Variants in PARVG observed in about 807,000 individuals in gnomAD.
PARVG encodes parvin gamma, also known as gamma-parvin.
In PARVG, 36 loss-of-function variants were observed where a neutral mutation model predicts 44.4. The ratio of observed to expected loss-of-function variants is 0.81; its 90% CI spans 0.62 to 1.07. The LOEUF (loss-of-function observed/expected upper bound fraction) is 1.07. Among genes scored for constraint, PARVG ranks in the 50% least tolerant of loss-of-function variants. The pLI, the probability that PARVG is intolerant of heterozygous loss-of-function variation, is 0.00. For synonymous variants in PARVG, 170 were observed against 174.1 expected (o/e 0.98, Z 0.19); for missense variants, 407 against 407.4 (o/e 1.00, Z 0.01).
Position 44,181,779 on chromosome 22 carries a change from G to A in PARVG, c.-151G>A. The A allele has an allele frequency of 1.0e-6, 1 of 985,454 alleles. No individual in the cohort carries two copies. Among genetic ancestry groups the A allele is most frequent in the Non-Finnish European group, 1.2e-6 (1 of 829,936 alleles). 61.0% of individuals were successfully genotyped at this position (985,454 alleles called of 1,614,324 possible). On this transcript the variant is annotated 5_prime_UTR_variant, in exon 2 of 14. Transcript: ENST00000444313. The stretch of plus-strand genomic sequence containing the variant: ...TCCTGCCGGCTGAGCGGGCCTGGAG[G>A]AAGTGAGCAGCGGGGCTCCTGCCTC...
intron 8 of PARVG, among the ~76,000 whole-genome samples, chr22:44,192,330 C>T (rs568550181): frequency 6.6e-6 from 1 of 152,264 alleles, no homozygotes; most frequent in East Asian, 1.9e-4. Context: ...TCCCAGCCAC[C>T]CTGCTTTGTT....
chr22:44,204,210 AC>A (rs1569189473), intron 12 of PARVG, among the ~76,000 whole-genome samples: 3 of 152,152 alleles, frequency 2.0e-5, no homozygotes, highest in African/African-American at 7.2e-5. Flanking sequence ...CCCTGCCCAT[AC>A]ACTCCTTTCC....
chr22:44,202,782 C>T (rs151237310), intron 12 of PARVG, among the ~76,000 whole-genome samples: 24 of 152,276 alleles, frequency 1.6e-4, no homozygotes, highest in African/African-American at 5.8e-4. Context: ...ATTATCAGAC[C>T]CTCTTTGCTG....
chr22:44,181,736 C>T lies in PARVG; in HGVS notation c.-188-6C>T. The T allele has an allele frequency of 1.0e-6, 1 of 985,418 alleles. No individual in the cohort carries two copies. Among genetic ancestry groups the T allele is most frequent in the Non-Finnish European group, 1.2e-6 (1 of 829,954 alleles). 61.0% of individuals were successfully genotyped at this position (985,418 alleles called of 1,614,324 possible). On this transcript the variant is annotated splice_polypyrimidine_tract_variant and splice_region_variant and intron_variant, in intron 1 of 13. Transcript: ENST00000444313. ...CGGCATCCACCCCCCTCGGGCCCTG[C>T]CGCAGAGAGGAGGAAGCTCCTGCCG...
intron 12 of PARVG, among the ~76,000 whole-genome samples, chr22:44,200,667 G>C (rs1016778850): frequency 5.3e-5 from 8 of 152,188 alleles, no homozygotes; most frequent in African/African-American, 1.7e-4. Flanking sequence ...TTTCTAAAGA[G>C]GTGAAGCAGG....
intron 3 of PARVG, 31 bp from the exon 4 acceptor site, chr22:44,185,777 C>T (rs1183003563): frequency 1.3e-6 from 2 of 1,596,732 alleles, no homozygotes; most frequent in Admixed American, 1.7e-5. Context: ...ACAGGGTCCC[C>T]ATGCGCTTGT....
intron 3 of PARVG, chr22:44,185,551 CATAGG>C (rs1380532942): frequency 5.2e-6 from 2 of 384,748 alleles, no homozygotes; most frequent in African/African-American, 4.1e-5. Context: ...ATATATCAAA[CATAGG>C]ATACCCAGTT....
intron 11 of PARVG, among the ~76,000 whole-genome samples, chr22:44,197,825 T>C: frequency 6.6e-6 from 1 of 152,116 alleles, no homozygotes; most frequent in Non-Finnish European, 1.5e-5. Context: ...AAGTGAGAGA[T>C]TTGTAGTTTT....
At chr22:44,177,493 C>T (rs962261327), upstream of PARVG, among the ~76,000 whole-genome samples, 2 of 152,182 alleles carry the variant, frequency 1.3e-5, no homozygotes, top group Non-Finnish European at 1.5e-5. Context: ...ATCTCTCCAG[C>T]CTCCTGTAGT....
In PARVG at chr22:44,190,564, G is replaced by C; in HGVS notation, c.402G>C (p.Lys134Asn). The change falls in exon 7 of 14, where the codon AAG (lysine) becomes AAC (asparagine). Residue 134 changes from lysine to asparagine, a missense_variant. By Grantham distance (94) the Lys-to-Asn change is moderately conservative. Transcript: ENST00000444313. ...CTCTCTTCCCAGGCATCTTCAACAAGGACCTGTTGTCTACCCTGCACCTCC... is the reference window on the plus strand; with the variant it reads ...CTCTCTTCCCAGGCATCTTCAACAACGACCTGTTGTCTACCCTGCACCTCC... ...AKWSVESIFN[K>N]DLLSTLHLLV... 1 of 1,614,102 alleles carries C rather than the reference G, an allele frequency of 6.2e-7. No homozygotes were observed. Among genetic ancestry groups the C allele is most frequent in the Non-Finnish European group, 8.5e-7 (1 of 1,179,942 alleles).
intron 8 of PARVG, 85 bp from the exon 9 acceptor site, chr22:44,193,716 C>T: frequency 6.4e-7 from 1 of 1,561,766 alleles, no homozygotes. Context: ...CTTGCCAGCA[C>T]TGAGGCTTGT....
chr22:44,204,694 G>A (rs2054755472), intron 12 of PARVG, among the ~76,000 whole-genome samples: 2 of 152,262 alleles, frequency 1.3e-5, no homozygotes, highest in Non-Finnish European at 2.9e-5. Context: ...GGTGTGGCCA[G>A]GCAGATAGGG....
At chr22:44,199,490 G>A (rs1461164276) in intron 12 of PARVG, among the ~76,000 whole-genome samples, 2 of 152,204 alleles carry the variant, frequency 1.3e-5, no homozygotes, top group Non-Finnish European at 2.9e-5. Context: ...CCTGTTTAGT[G>A]CCAGGCCCTG....
chr22:44,172,965 G>C (rs1321212440), exon 1 of PARVG: 1 of 1,287,412 alleles, frequency 7.8e-7, no homozygotes, highest in Non-Finnish European at 1.0e-6. Context: ...TCTTTGTTTG[G>C]CTGCTGTTTT....
chr22:44,183,237 TC>T, intron 2 of PARVG, 80 bp from the exon 3 acceptor site: 1 of 1,325,828 alleles, frequency 7.5e-7, no homozygotes, highest in African/African-American at 1.5e-5. Flanking sequence ...CTTCTGTGCC[TC>T]CAGGTCTAGA....
At chr22:44,181,713 G>T (rs1189181436) in intron 1 of PARVG, 29 bp from the exon 2 acceptor site, 42 of 985,218 alleles carry the variant, frequency 4.3e-5, no homozygotes, top group Non-Finnish European at 4.9e-5. Flanking sequence ...CACTTTCACG[G>T]CATCCACCCC....
In PARVG at chr22:44,185,444, T is replaced by C. The variant is rs970650852; in HGVS notation, c.80-364T>C. The C allele has an allele frequency of 6.5e-5, 12 of 183,298 alleles. 1 individual carries two copies. Among genetic ancestry groups the C allele is most frequent in the African/African-American group, 2.8e-4 (12 of 42,582 alleles). The allele number at this position is 183,298 out of a possible 1,614,324, so 11.4% of individuals were successfully genotyped here. ...ATGGAGGGGCCTGGCAGACCTGGGG[T>C]AAGTCCCACCTTAGCCCCTTAGAGC... On this transcript the variant is annotated intron_variant, in intron 3 of 13. Transcript: ENST00000444313.
chr22:44,181,076 C>G lies in PARVG; in HGVS notation c.-298C>G. 2.7e-6 allele frequency: 2 copies of G among 744,072 alleles called. No homozygotes were observed. Among genetic ancestry groups the G allele is most frequent in the Non-Finnish European group, 3.3e-6 (2 of 609,284 alleles). 46.1% of individuals were successfully genotyped at this position (744,072 alleles called of 1,614,324 possible). On this transcript the variant is annotated 5_prime_UTR_variant, in exon 1 of 14. Coordinates refer to ENST00000444313, the MANE Select transcript of PARVG (RefSeq NM_022141.7). ...CTTCCACTGCAAACTCCTATGCAGC[C>G]GTCAAGGCCCCATTCTCCTCTGGAA... is the stretch of plus-strand genomic sequence containing the variant.
intron 5 of PARVG, 122 bp downstream of exon 5, chr22:44,188,000 T>C: frequency 1.0e-6 from 1 of 986,162 alleles, no homozygotes; most frequent in Non-Finnish European, 1.6e-6. Context: ...TAGGGACACC[T>C]GTCTCACTTT....
Sources: gnomAD v4.1 joint callset for allele counts (sites outside exome capture counted in the v4.1 genomes callset) on GRCh38, gnomAD v4.1.1 for gene constraint, MANE v1.5 for transcripts, NCBI Gene and HGNC (gene_info 2026-07-23, HGNC 2026-07-21) for gene names.